Variants in MAP3K1 observed in about 807,000 individuals in gnomAD.
MAP3K1 encodes mitogen-activated protein kinase kinase kinase 1.
Under a neutral mutation model 144.2 loss-of-function variants are expected in MAP3K1, and 36 were observed. That is an observed-to-expected ratio of 0.25 (90% CI 0.19 to 0.33). The LOEUF (loss-of-function observed/expected upper bound fraction) is 0.33. Ranked by LOEUF, MAP3K1 falls within the 10% of genes least tolerant of loss-of-function variation. The pLI is 1.00. For missense variants in MAP3K1, 1,650 were observed against 1,881.9 expected, an observed-to-expected ratio of 0.88 and a Z score of 2.28; for synonymous variants, 718 against 688.7, an observed-to-expected ratio of 1.04 and a Z score of -0.67.
chr5:56,820,144 TA>T (rs1366291636), intron 1 of MAP3K1, among the ~76,000 whole-genome samples: 1 of 152,092 alleles, frequency 6.6e-6, no homozygotes, highest in Non-Finnish European at 1.5e-5. Context: ...GTATGATATC[TA>T]TTATATGTAT....
At chr5:56,839,560 T>C (rs1238809973) in intron 1 of MAP3K1, among the ~76,000 whole-genome samples, 2 of 152,216 alleles carry the variant, frequency 1.3e-5, no homozygotes, top group African/African-American at 4.8e-5. Flanking sequence ...CCTTCAATAA[T>C]GTCATTTAGT....
chr5:56,859,886 G>A lies in MAP3K1; in HGVS notation c.805G>A (p.Val269Ile), dbSNP rs974500601. Residue 269 changes from valine (V) to isoleucine (I), a missense_variant, in exon 3 of 20, where the codon GTA (valine) becomes ATA (isoleucine). Val to Ile is a conservative substitution (Grantham distance 29, BLOSUM62 3). Coordinates refer to ENST00000399503, the MANE Select transcript of MAP3K1 (RefSeq NM_005921.2). ...CACAGTGAAATCAGAATCTCCAGGA[G>A]TAAGGAGAAAAAGAGTTTCCCCAGT... ...GRTVKSESPG[V>I]RRKRVSPVPF... is the part of the protein sequence containing the mutation. 2.9e-5 allele frequency: 47 copies of A among 1,613,240 alleles called. No individual in the cohort carries two copies. Among genetic ancestry groups the A allele is most frequent in the Non-Finnish European group, 3.9e-5 (46 of 1,179,696 alleles).
At chr5:56,852,853 A>G (rs1407609838) in intron 1 of MAP3K1, among the ~76,000 whole-genome samples, 4 of 152,204 alleles carry the variant, frequency 2.6e-5, no homozygotes, top group African/African-American at 7.2e-5. Flanking sequence ...TTTTCCTGCT[A>G]TGGCTGTGAT....
At chr5:56,837,845 G>A (rs1202469334) in intron 1 of MAP3K1, among the ~76,000 whole-genome samples, 1 of 152,152 alleles carries the variant, frequency 6.6e-6, no homozygotes, top group Admixed American at 6.5e-5. Flanking sequence ...TGCTGAGTGA[G>A]GACTGAGGAA....
intron 1 of MAP3K1, 137 bp downstream of exon 1, chr5:56,816,192 T>A: frequency 1.1e-6 from 1 of 910,958 alleles, no homozygotes; most frequent in Non-Finnish European, 1.4e-6. Context: ...CCTACGCCCC[T>A]GAGCACCCCC....
intron 1 of MAP3K1, among the ~76,000 whole-genome samples, chr5:56,819,279 C>G (rs568974990): frequency 2.0e-5 from 3 of 152,082 alleles, no homozygotes; most frequent in African/African-American, 7.2e-5. Flanking sequence ...TTGTTAGATA[C>G]GAAAAACAGG....
At chr5:56,820,520 A>G (rs1312774773) in intron 1 of MAP3K1, 13 of 985,136 alleles carry the variant, frequency 1.3e-5, no homozygotes, top group Non-Finnish European at 1.6e-5. Context: ...ATGTAATACA[A>G]GTAAACTGTA....
chr5:56,823,184 C>A (rs112726894), intron 1 of MAP3K1, among the ~76,000 whole-genome samples: 2 of 152,180 alleles, frequency 1.3e-5, no homozygotes, highest in South Asian at 2.1e-4. Context: ...CATGCCTGAC[C>A]GAGTCCCTGC....
intron 9 of MAP3K1, among the ~76,000 whole-genome samples, 169 bp downstream of exon 9, chr5:56,873,174 C>T (rs970386286): frequency 8.5e-5 from 13 of 152,122 alleles, no homozygotes; most frequent in African/African-American, 2.9e-4. Context: ...TAATACTATA[C>T]TGCTTATTGT....
chr5:56,861,829 TAACTTTGAAGAACAAATG>T (rs1469864590), intron 3 of MAP3K1, among the ~76,000 whole-genome samples: 1 of 152,134 alleles, frequency 6.6e-6, no homozygotes, highest in Non-Finnish European at 1.5e-5. Flanking sequence ...ACTCACTTTC[TAACTTTGAAGAACAAATG>T]ATTGAATGGA....
chr5:56,889,998 C>T (rs1305776693), intron 19 of MAP3K1, among the ~76,000 whole-genome samples: 1 of 152,156 alleles, frequency 6.6e-6, no homozygotes. Flanking sequence ...TTCTTATTCT[C>T]TTTAAGGCCC....
intron 1 of MAP3K1, among the ~76,000 whole-genome samples, chr5:56,851,817 A>C (rs1056146237): frequency 6.6e-6 from 1 of 152,194 alleles, no homozygotes; most frequent in African/African-American, 2.4e-5. Context: ...CACCACCCTT[A>C]GGACTGGGCA....
At chr5:56,868,729 C>G (rs1438828410) in intron 6 of MAP3K1, among the ~76,000 whole-genome samples, 2 of 152,058 alleles carry the variant, frequency 1.3e-5, no homozygotes, top group African/African-American at 4.8e-5. Flanking sequence ...GCTTATATGT[C>G]CAACATTAAT....
chr5:56,882,568 A>G lies in MAP3K1; in HGVS notation c.3368A>G (p.Asp1123Gly). The G allele has an allele frequency of 6.2e-7, 1 of 1,614,174 alleles. No individual in the cohort carries two copies. The highest frequency in any genetic ancestry group is 8.5e-7 in the Non-Finnish European group (1 of 1,180,008). Reference sequence around the variant, plus strand: ...CCAGTAGAGGAGAAATGCAGATTAGATGTCAATACAGAGCTCAACTCCAGT... The same window carrying G: ...CCAGTAGAGGAGAAATGCAGATTAGGTGTCAATACAGAGCTCAACTCCAGT... The part of the protein sequence containing the change: ...FTPVEEKCRL[D>G]VNTELNSSIE... The change falls in exon 14 of 20, where the codon GAT becomes GGT. Residue 1123 changes from aspartate (D) to glycine (G), a missense_variant. Physicochemically the swap from Asp to Gly is moderately conservative, Grantham distance 94. Around this residue, in one of 6 missense-constraint regions of MAP3K1, gnomAD observed 841 missense variants for 886.5 expected, o/e 0.95. Coordinates refer to ENST00000399503, the MANE Select transcript of MAP3K1 (RefSeq NM_005921.2).
At chr5:56,846,762 A>G (rs1262115836) in intron 1 of MAP3K1, among the ~76,000 whole-genome samples, 1 of 152,212 alleles carries the variant, frequency 6.6e-6, no homozygotes, top group East Asian at 1.9e-4. Flanking sequence ...GTCAGTGCTC[A>G]TGATTGTTTC....
intron 19 of MAP3K1, 71 bp downstream of exon 19, chr5:56,888,428 T>G: frequency 1.5e-6 from 2 of 1,331,572 alleles, no homozygotes; most frequent in South Asian, 2.4e-5. Flanking sequence ...AGGCAAATTT[T>G]GATGGGTTCT....
chr5:56,864,128 G>T (rs1031399415), intron 3 of MAP3K1, among the ~76,000 whole-genome samples: 4 of 151,974 alleles, frequency 2.6e-5, no homozygotes, highest in Non-Finnish European at 4.4e-5. Flanking sequence ...TTTTGTTTTG[G>T]TTTATATTAG....
intron 1 of MAP3K1, among the ~76,000 whole-genome samples, chr5:56,832,064 T>C (rs1020175160): frequency 1.3e-5 from 2 of 152,232 alleles, no homozygotes; most frequent in Non-Finnish European, 2.9e-5. Flanking sequence ...CCTAACACTT[T>C]GGCAGGATTT....
intron 1 of MAP3K1, among the ~76,000 whole-genome samples, chr5:56,832,513 T>G (rs1463575803): frequency 6.6e-6 from 1 of 152,200 alleles, no homozygotes; most frequent in African/African-American, 2.4e-5. Flanking sequence ...TGATTCCCAT[T>G]TTACATATGA....
Sources: gnomAD v4.1 joint callset for allele counts (sites outside exome capture counted in the v4.1 genomes callset) on GRCh38, gnomAD v4.1.1 for gene constraint, gnomAD v4.1.1 regional missense constraint, MANE v1.5 for transcripts, NCBI Gene and HGNC (gene_info 2026-07-23, HGNC 2026-07-21) for gene names.